The following CBX1 variants were observed in gnomAD, a reference collection of about 807,000 sequenced individuals.
CBX1 encodes the protein chromobox 1.
In CBX1, 10 loss-of-function variants were observed where a neutral mutation model predicts 25.1. The observed-to-expected ratio is 0.40, with a 90% confidence interval of 0.25 to 0.68. The LOEUF (loss-of-function observed/expected upper bound fraction) is 0.68, where lower values mean the gene tolerates loss of function less well. Ranked by LOEUF, CBX1 falls within the 30% of genes least tolerant of loss-of-function variation. The pLI, the probability that CBX1 is intolerant of heterozygous loss-of-function variation, is 0.40. For missense variants in CBX1, 106 were observed against 218.5 expected, an observed-to-expected ratio of 0.49 and a Z score of 3.25; for synonymous variants, 63 against 79.4, an observed-to-expected ratio of 0.79 and a Z score of 1.10.
In CBX1 at chr17:48,076,851, T is replaced by C. The variant is rs1304847139; in HGVS notation, c.140+14A>G. 1.2e-6 allele frequency: 2 copies of C among 1,605,842 alleles called. No homozygotes were observed. The highest frequency in any genetic ancestry group is 2.7e-5 in the African/African-American group (2 of 74,672). ...CACGTGGTGGCTACATTTACCTGTG[T>C]CAGTGAAACTTACTCTGAGAATCCC... On this transcript the variant is annotated intron_variant, in intron 2 of 4. Transcript: ENST00000225603.
intron 1 of CBX1, among the ~76,000 whole-genome samples, chr17:48,093,231 C>T (rs551059707): frequency 1.3e-5 from 2 of 149,934 alleles, no homozygotes; most frequent in South Asian, 2.1e-4. Context: ...GGCCAGATCA[C>T]GACACTGCAT....
rs1353801996 is a variant in CBX1 at position 48,075,115 on chromosome 17, T to A, written c.319-15A>T. 1.9e-6 allele frequency: 3 copies of A among 1,575,344 alleles called. No individual in the cohort carries two copies. The highest frequency in any genetic ancestry group is 2.6e-6 in the Non-Finnish European group (3 of 1,144,842). On this transcript the variant is annotated splice_polypyrimidine_tract_variant and intron_variant, in intron 3 of 4. Transcript: ENST00000225603. ...GGCTTTTCTGACTGTAAAAACAAGA[T>A]GGGTAGAACAATTTTATCTATATGG...
intron 4 of CBX1, among the ~76,000 whole-genome samples, chr17:48,072,815 T>C (rs1367666912): frequency 6.6e-6 from 1 of 150,456 alleles, no homozygotes; most frequent in African/African-American, 2.4e-5. Context: ...TTGAAAATCA[T>C]ACACATTATA....
intron 1 of CBX1, among the ~76,000 whole-genome samples, chr17:48,078,787 C>CT (rs1184844619): frequency 0.017 from 1,277 of 76,220 alleles, 111 homozygotes; most frequent in Non-Finnish European, 0.023. Context: ...CGTGCCTGGA[C>CT]TTTTTTTTTT....
chr17:48,074,945 C>G, intron 4 of CBX1, 61 bp downstream of exon 4: 1 of 1,170,804 alleles, frequency 8.5e-7, no homozygotes, highest in Non-Finnish European at 1.3e-6. Context: ...CTCTTTTCCT[C>G]TGGCATGAAA....
At chr17:48,087,889 A>C (rs1276466482) in intron 1 of CBX1, among the ~76,000 whole-genome samples, 1 of 151,706 alleles carries the variant, frequency 6.6e-6, no homozygotes, top group Non-Finnish European at 1.5e-5. Flanking sequence ...AAAAAAAAAA[A>C]AGAAAACAGA....
intron 1 of CBX1, among the ~76,000 whole-genome samples, chr17:48,095,008 C>T (rs2063365661): frequency 6.6e-6 from 1 of 151,584 alleles, no homozygotes; most frequent in South Asian, 2.1e-4. Flanking sequence ...GATCTTGACA[C>T]TGCACTCCAG....
chr17:48,093,142 T>C (rs1439486749), intron 1 of CBX1, among the ~76,000 whole-genome samples: 1 of 144,908 alleles, frequency 6.9e-6, no homozygotes, highest in East Asian at 2.0e-4. Context: ...GGCAGGCGCC[T>C]GTAATCCCAG....
At chr17:48,074,841 AG>A in intron 4 of CBX1, 164 bp downstream of exon 4, 1 of 615,548 alleles carries the variant, frequency 1.6e-6, no homozygotes, top group Non-Finnish European at 3.0e-6. Flanking sequence ...GTAACTCATG[AG>A]TCCAGGGTGG....
rs77571969 is a variant in CBX1 at position 48,093,708 on chromosome 17, A to G, written c.-38+7560T>C. Among the ~76,000 whole-genome samples the G allele has an allele frequency of 3.0e-4, 46 of 152,334 alleles. 2 individuals carry two copies. The East Asian group carries it at 8.9e-3, about 29-fold the overall frequency. ...TATTCTTCGGTTCTTATTCCAGACT[A>G]ATTATGTCCCTTCTTCCCTCACAAA... On this transcript the variant is annotated intron_variant, in intron 1 of 4. Transcript: ENST00000225603.
chr17:48,094,669 G>A (rs2063362744), intron 1 of CBX1, among the ~76,000 whole-genome samples: 1 of 151,232 alleles, frequency 6.6e-6, no homozygotes, highest in East Asian at 1.9e-4. Flanking sequence ...AACGGGGTTA[G>A]GATGCAGTGA....
chr17:48,087,595 T>C (rs1431953513), intron 1 of CBX1, among the ~76,000 whole-genome samples: 2 of 150,978 alleles, frequency 1.3e-5, no homozygotes, highest in Non-Finnish European at 2.9e-5. Flanking sequence ...AAAAAAAGGC[T>C]GGGCGCAGTG....
intron 1 of CBX1, 101 bp from the exon 2 acceptor site, chr17:48,077,142 T>G: frequency 1.1e-6 from 1 of 882,226 alleles, no homozygotes; most frequent in Non-Finnish European, 1.7e-6. Context: ...GGTGATAATA[T>G]TGTATGCTGC....
intron 1 of CBX1, among the ~76,000 whole-genome samples, chr17:48,090,114 C>G (rs1201469677): frequency 6.6e-6 from 1 of 151,822 alleles, no homozygotes; most frequent in African/African-American, 2.4e-5. Context: ...TCATGTTGGC[C>G]AGGGTGGTCT....
intron 1 of CBX1, among the ~76,000 whole-genome samples, chr17:48,080,061 G>A (rs1440340625): frequency 1.3e-5 from 2 of 151,898 alleles, no homozygotes; most frequent in East Asian, 3.9e-4. Context: ...TTGGGGGAGG[G>A]GGACACAGTC....
chr17:48,096,558 G>T (rs1483422603), intron 1 of CBX1, among the ~76,000 whole-genome samples: 1 of 152,082 alleles, frequency 6.6e-6, no homozygotes, highest in Non-Finnish European at 1.5e-5. Flanking sequence ...GATCACTTGA[G>T]GTCAGGATTT....
intron 4 of CBX1, among the ~76,000 whole-genome samples, chr17:48,074,304 AT>A (rs1353152670): frequency 3.3e-5 from 5 of 152,218 alleles, no homozygotes; most frequent in African/African-American, 1.2e-4. Context: ...TTCCTTCCAA[AT>A]TTTAAATACA....
chr17:48,074,880 G>T, intron 4 of CBX1, 126 bp downstream of exon 4: 1 of 753,766 alleles, frequency 1.3e-6, no homozygotes, highest in Admixed American at 2.0e-5. Context: ...ACTATCGAAG[G>T]ACTATGCCAT....
intron 1 of CBX1, among the ~76,000 whole-genome samples, chr17:48,081,021 ATTTC>A (rs2037733491): frequency 7.9e-6 from 1 of 126,148 alleles, no homozygotes; most frequent in African/African-American, 2.9e-5. Context: ...AATAAATAGC[ATTTC>A]TTTTTGAAAA....
Sources: gnomAD v4.1 joint callset for allele counts (sites outside exome capture counted in the v4.1 genomes callset) on GRCh38, gnomAD v4.1.1 for gene constraint, MANE v1.5 for transcripts, NCBI Gene and HGNC (gene_info 2026-07-23, HGNC 2026-07-21) for gene names.